DNM2: variants seen among roughly 807,000 people sequenced by gnomAD.
DNM2 encodes dynamin-2.
In DNM2, 15 loss-of-function variants were observed where a neutral mutation model predicts 99.0. That is an observed-to-expected ratio of 0.15 (90% CI 0.10 to 0.23). The LOEUF is 0.23. Among genes scored for constraint, DNM2 ranks in the 10% least tolerant of loss-of-function variants. The probability of loss-of-function intolerance (pLI) is 1.00; values close to 1 mark genes in which losing one functional copy is unlikely to be tolerated. For missense variants in DNM2, 742 were observed against 1,189.4 expected (o/e 0.62, Z 5.53); for synonymous variants, 525 against 481.2 (o/e 1.09, Z -1.19).
chr19:10,783,102 G>A lies in DNM2; in HGVS notation c.831G>A (p.Leu277=), dbSNP rs1555707690. 6.2e-7 allele frequency: 1 copy of A among 1,612,394 alleles called. No homozygotes were observed. The change falls in exon 6 of 21, where the codon CTG becomes CTA. Residue 277 remains leucine (L), a synonymous_variant. Coordinates refer to ENST00000389253, the MANE Select transcript of DNM2 (RefSeq NM_001005361.3). ...HMADRMGTPH[L]QKTLNQQLTN... ...CCGACCGCATGGGCACGCCACATCT[G>A]CAGAAGACGCTGAATCAGGTACTGC...
At chr19:10,757,127 AG>A (rs1381677630) in intron 1 of DNM2, among the ~76,000 whole-genome samples, 4 of 152,176 alleles carry the variant, frequency 2.6e-5, no homozygotes, top group African/African-American at 9.7e-5. Context: ...TGACCACTGG[AG>A]GCTGCTTCTA....
At chr19:10,825,363 C>T (rs571072602) in intron 18 of DNM2, 142 bp downstream of exon 18, 1 of 1,193,282 alleles carries the variant, frequency 8.4e-7, no homozygotes, top group East Asian at 2.7e-5. Context: ...GGTGAAACCC[C>T]ATCTCTACTA....
At chr19:10,743,935 A>G (rs1330283472) in intron 1 of DNM2, among the ~76,000 whole-genome samples, 2 of 151,362 alleles carry the variant, frequency 1.3e-5, no homozygotes, top group African/African-American at 4.9e-5. Flanking sequence ...GCAGTGAGCC[A>G]AGATCACGCC....
At chr19:10,803,718 G>A (rs995498413) in intron 12 of DNM2, 26 of 985,486 alleles carry the variant, frequency 2.6e-5, no homozygotes, top group Admixed American at 1.2e-4. Context: ...AACGGGGTAC[G>A]CCCTGGCTGG....
Position 10,740,148 on chromosome 19 carries a change from CTT to C in DNM2, c.162-19589_162-19588del, listed in dbSNP as rs568161714. On this transcript the variant is annotated intron_variant, in intron 1 of 20. Coordinates refer to ENST00000389253, the MANE Select transcript of DNM2 (RefSeq NM_001005361.3). ...TATTTCTGATTTTTGTAATTTGAGT[CTT>C]ATCTCTTTTTCTCTTGGTTAATCTA... Among the ~76,000 whole-genome samples the C allele has an allele frequency of 2.8e-3, 430 of 152,010 alleles. 3 individuals carry two copies. The highest frequency in any genetic ancestry group is 0.01 in the African/African-American group (417 of 41,490).
intron 1 of DNM2, among the ~76,000 whole-genome samples, chr19:10,757,435 A>G (rs758406125): frequency 6.6e-6 from 1 of 152,088 alleles, no homozygotes; most frequent in Non-Finnish European, 1.5e-5. Context: ...CAGCTGAGAA[A>G]CAGGTCTTCT....
At chr19:10,788,951 G>A (rs1179893313) in intron 7 of DNM2, among the ~76,000 whole-genome samples, 1 of 152,210 alleles carries the variant, frequency 6.6e-6, no homozygotes, top group African/African-American at 2.4e-5. Context: ...GTGGGCTAAG[G>A]GGCCAGAGTG....
At position 10,811,537 on chromosome 19, in the gene DNM2, G is replaced by C; in HGVS notation, c.1558-727G>C. On this transcript the variant is annotated intron_variant, in intron 14 of 20. Coordinates refer to ENST00000389253, the MANE Select transcript of DNM2 (RefSeq NM_001005361.3). The surrounding 1 kb of genome is among the most constrained non-coding windows in gnomAD (Gnocchi z 5.4). ...GCCTGGGTCCCAGGCCGCCCTGTGC[G>C]TGCCTCCGTGTGCTTCCTGCAGCTC... The C allele has an allele frequency of 2.7e-6, 1 of 372,012 alleles. No individual in the cohort carries two copies. Among genetic ancestry groups the C allele is most frequent in the Non-Finnish European group, 5.3e-6 (1 of 187,032 alleles). The allele number at this position is 372,012 out of a possible 1,614,324, so 23.0% of individuals were successfully genotyped here. A position where few individuals can be genotyped will look rare whatever the true frequency, so the allele number is the denominator to read the frequency against.
chr19:10,777,122 A>G lies in DNM2; in HGVS notation c.594A>G (p.Leu198=), dbSNP rs773813749. ...CTGACCTCTGGGCTCTTTCAGGCCT[A>G]CGGACCATCGGTGTCATCACCAAGC... ...KLAKEVDPQG[L]RTIGVITKLD... The change falls in exon 5 of 21, where the codon CTA becomes CTG. Residue 198 remains leucine (L), a synonymous_variant. Coordinates refer to ENST00000389253, the MANE Select transcript of DNM2 (RefSeq NM_001005361.3). The G allele has an allele frequency of 3.7e-6, 6 of 1,614,066 alleles. No individual in the cohort carries two copies. The South Asian group carries it at 5.5e-5, about 15-fold the overall frequency.
intron 5 of DNM2, among the ~76,000 whole-genome samples, chr19:10,782,473 C>T (rs1399386937): frequency 1.3e-5 from 2 of 152,052 alleles, no homozygotes; most frequent in Non-Finnish European, 2.9e-5. Flanking sequence ...GTTCTCCTGC[C>T]TCAGCCTCCC....
intron 1 of DNM2, among the ~76,000 whole-genome samples, chr19:10,734,436 T>G (rs1055948845): frequency 3.3e-5 from 5 of 151,250 alleles, no homozygotes; most frequent in Non-Finnish European, 7.4e-5. Context: ...GCCCAGGAGT[T>G]TTAGACCAGC....
At chr19:10,824,838 A>G in intron 17 of DNM2, 2 of 647,468 alleles carry the variant, frequency 3.1e-6, no homozygotes, top group Non-Finnish European at 2.7e-6. Context: ...ACAACGTTCC[A>G]ATGCCCAGGT....
At chr19:10,745,463 G>A (rs12232826) in intron 1 of DNM2, among the ~76,000 whole-genome samples, 4 of 152,244 alleles carry the variant, frequency 2.6e-5, no homozygotes, top group East Asian at 1.9e-4. Flanking sequence ...GGCTGGGCAC[G>A]CTTGAAATCC....
chr19:10,774,533 T>C (rs1368862237), intron 3 of DNM2, among the ~76,000 whole-genome samples: 1 of 152,142 alleles, frequency 6.6e-6, no homozygotes, highest in African/African-American at 2.4e-5. Flanking sequence ...TTCAAGTGAT[T>C]CTCCTGCCTC....
rs1387298359 is a variant in DNM2 at position 10,812,020 on chromosome 19, A to G, written c.1558-244A>G. 3.9e-6 allele frequency: 2 copies of G among 506,472 alleles called. No individual in the cohort carries two copies. The highest frequency in any genetic ancestry group is 1.5e-5 in the South Asian group (1 of 65,038). The allele number at this position is 506,472 out of a possible 1,614,324, so 31.4% of individuals were successfully genotyped here. On this transcript the variant is annotated intron_variant, in intron 14 of 20. Transcript: ENST00000389253. This position sits in a 1 kb window ranked among gnomAD's most constrained non-coding sequence, Gnocchi z 4.0. ...CTTTCCATCAGGCCTCTGTGAGTCT[A>G]TACCCCATCAGCCCCTGGCCCAGTG...
At chr19:10,808,546 A>G (rs760537108) in intron 13 of DNM2, 23 bp from the exon 14 acceptor site, 1 of 1,610,952 alleles carries the variant, frequency 6.2e-7, no homozygotes, top group South Asian at 1.1e-5. Context: ...TTTACCCACA[A>G]CCCTAACTTT....
At chr19:10,725,633 G>T (rs1007986329) in intron 1 of DNM2, among the ~76,000 whole-genome samples, 1 of 152,030 alleles carries the variant, frequency 6.6e-6, no homozygotes, top group African/African-American at 2.4e-5. Flanking sequence ...TGGAAAATGG[G>T]AACATGGTGG....
At chr19:10,721,341 G>C (rs1472725073) in intron 1 of DNM2, among the ~76,000 whole-genome samples, 1 of 152,166 alleles carries the variant, frequency 6.6e-6, no homozygotes, top group African/African-American at 2.4e-5. Context: ...ATTTTTAGCA[G>C]AGATGGGGTT....
chr19:10,739,904 C>T (rs2069681530), intron 1 of DNM2, among the ~76,000 whole-genome samples: 1 of 150,332 alleles, frequency 6.7e-6, no homozygotes, highest in Non-Finnish European at 1.5e-5. Flanking sequence ...ACCAATGAAG[C>T]CACCTGGGCC....
Sources: allele counts gnomAD v4.1 joint callset (sites outside exome capture counted in the v4.1 genomes callset), GRCh38; gene constraint gnomAD v4.1.1; non-coding constraint Gnocchi (gnomAD v3.1); transcripts MANE v1.5; gene names NCBI Gene and HGNC (gene_info 2026-07-23, HGNC 2026-07-21).